Variants in LARGE1 observed in about 807,000 individuals in gnomAD.
The protein encoded by LARGE1 is LARGE xylosyl- and glucuronyltransferase 1.
In LARGE1, 43 loss-of-function variants were observed where a neutral mutation model predicts 87.6. That is an observed-to-expected ratio of 0.49 (90% CI 0.38 to 0.63). The LOEUF (loss-of-function observed/expected upper bound fraction) is 0.63. LARGE1 is among the 30% of genes least tolerant of loss of function. The pLI, the probability that LARGE1 is intolerant of heterozygous loss-of-function variation, is 0.00. For synonymous variants in LARGE1, 434 were observed against 394.6 expected, an observed-to-expected ratio of 1.10 and a Z score of -1.18; for missense variants, 802 against 1,000.2, an observed-to-expected ratio of 0.80 and a Z score of 2.67.
At chr22:33,096,422 A>T in the LARGE1 span, among the ~76,000 whole-genome samples, 1 of 152,038 alleles carries the variant, frequency 6.6e-6, no homozygotes, top group East Asian at 1.9e-4. Flanking sequence ...TCTCAAAAAA[A>T]AAAAAAAAAA....
chr22:33,455,388 T>C (rs2068090879), intron 6 of LARGE1, among the ~76,000 whole-genome samples: 1 of 152,156 alleles, frequency 6.6e-6, no homozygotes, highest in Non-Finnish European at 1.5e-5. Flanking sequence ...ATTATGTACA[T>C]CTATTAATTA....
Position 33,233,997 on chromosome 22 carries a change from G to A in LARGE1, c.1731-67165C>T, listed in dbSNP as rs117875562. Among the ~76,000 whole-genome samples, 377 of 152,284 alleles carry A rather than the reference G, an allele frequency of 2.5e-3. 1 individual carries two copies. Among genetic ancestry groups the A allele is most frequent in the Non-Finnish European group, 2.8e-3 (188 of 68,028 alleles). On this transcript the variant is annotated intron_variant, in intron 11 of 11. Transcript: ENST00000608642. ...TACACTGCCTCCCATGGACCAAAAT[G>A]TCCTACCAAATGCCTTCACCCTAGG...
At chr22:33,241,275 G>A (rs1359332164) in intron 11 of LARGE1, among the ~76,000 whole-genome samples, 1 of 152,100 alleles carries the variant, frequency 6.6e-6, no homozygotes, top group Non-Finnish European at 1.5e-5. Flanking sequence ...TTGAAACAAT[G>A]TGATCCCCAG....
chr22:33,341,296 C>G (rs887771628), intron 9 of LARGE1, among the ~76,000 whole-genome samples: 1 of 151,980 alleles, frequency 6.6e-6, no homozygotes, highest in African/African-American at 2.4e-5. Flanking sequence ...TGCCAGCGCC[C>G]TAACCTTGGA....
intron 2 of LARGE1, among the ~76,000 whole-genome samples, chr22:33,729,296 T>C (rs903951590): frequency 6.6e-6 from 1 of 152,094 alleles, no homozygotes; most frequent in Non-Finnish European, 1.5e-5. Flanking sequence ...CAATCAACCA[T>C]CCAATTTTAA....
At chr22:33,665,616 C>T (rs776445437) in intron 2 of LARGE1, among the ~76,000 whole-genome samples, 4 of 152,126 alleles carry the variant, frequency 2.6e-5, no homozygotes, top group East Asian at 1.9e-4. Flanking sequence ...AACAGGGCTG[C>T]GCGCGGTGGC....
At chr22:33,623,239 G>A (rs764142033) in intron 4 of LARGE1, among the ~76,000 whole-genome samples, 10 of 150,894 alleles carry the variant, frequency 6.6e-5, no homozygotes, top group Admixed American at 1.3e-4. Context: ...TCAATGCTTA[G>A]TGTACAAAAT....
At chr22:33,630,177 C>A (rs2080061653) in intron 3 of LARGE1, among the ~76,000 whole-genome samples, 1 of 151,774 alleles carries the variant, frequency 6.6e-6, no homozygotes, top group African/African-American at 2.4e-5. Context: ...CCAGCCTGGG[C>A]AACAAGAACA....
intron 2 of LARGE1, among the ~76,000 whole-genome samples, chr22:33,667,892 G>A (rs1404278374): frequency 1.3e-5 from 2 of 152,140 alleles, no homozygotes; most frequent in East Asian, 1.9e-4. Flanking sequence ...CACAGACATC[G>A]CCACACACTT....
chr22:33,348,602 T>A (rs558562695), intron 9 of LARGE1, among the ~76,000 whole-genome samples: 8 of 152,126 alleles, frequency 5.3e-5, no homozygotes, highest in African/African-American at 1.9e-4. Flanking sequence ...GAGATTAGCA[T>A]CTGAATCAGT....
chr22:33,157,469 T>C (rs137870712), downstream of LARGE1, among the ~76,000 whole-genome samples: 832 of 152,288 alleles, frequency 5.5e-3, 24 homozygotes, highest in Admixed American at 0.035. Context: ...CACTTCCCAT[T>C]TGCATCTCAG....
chr22:33,827,746 C>T (rs899559747), intron 1 of LARGE1, among the ~76,000 whole-genome samples: 1 of 152,158 alleles, frequency 6.6e-6, no homozygotes, highest in African/African-American at 2.4e-5. Context: ...AAGCTACTTC[C>T]ACTGTCTACT....
chr22:33,626,544 G>T (rs2079928591), intron 3 of LARGE1, among the ~76,000 whole-genome samples: 2 of 152,144 alleles, frequency 1.3e-5, no homozygotes, highest in South Asian at 4.1e-4. Flanking sequence ...AACCATTAAG[G>T]CTCCTTCCAA....
At chr22:33,271,753 C>G (rs193269414), downstream of LARGE1, among the ~76,000 whole-genome samples, 2 of 152,348 alleles carry the variant, frequency 1.3e-5, no homozygotes, top group East Asian at 1.9e-4. Flanking sequence ...GGAATGCAGG[C>G]TGCTGGCTCT....
the LARGE1 span, among the ~76,000 whole-genome samples, chr22:33,085,180 G>C: frequency 5.3e-5 from 8 of 152,312 alleles, no homozygotes; most frequent in African/African-American, 1.9e-4. Flanking sequence ...GGAGGCTGAG[G>C]CAGGAGAATC....
At chr22:33,532,668 T>G (rs767163802) in intron 6 of LARGE1, among the ~76,000 whole-genome samples, 1 of 152,190 alleles carries the variant, frequency 6.6e-6, no homozygotes, top group East Asian at 1.9e-4. Flanking sequence ...TGCTTAAAGT[T>G]TTAGGCTTCT....
chr22:33,768,434 GCT>G (rs1391382056), intron 1 of LARGE1, among the ~76,000 whole-genome samples: 2 of 110,538 alleles, frequency 1.8e-5, no homozygotes, highest in Non-Finnish European at 3.8e-5. Context: ...CAACGCGCGC[GCT>G]CACACACACA....
chr22:33,461,693 A>G (rs1314649351), intron 6 of LARGE1, among the ~76,000 whole-genome samples: 1 of 91,284 alleles, frequency 1.1e-5, no homozygotes. Flanking sequence ...GAGAAATTAC[A>G]AAAAAAAAAA....
intron 1 of LARGE1, among the ~76,000 whole-genome samples, chr22:33,829,006 C>CT (rs776583343): frequency 0.29 from 27,053 of 94,222 alleles, 4,225 homozygotes; most frequent in East Asian, 0.54. Context: ...GTCTCTTTTT[C>CT]TTTTTTTTTT....
Sources: gnomAD v4.1 joint callset for allele counts (sites outside exome capture counted in the v4.1 genomes callset) on GRCh38, gnomAD v4.1.1 for gene constraint, MANE v1.5 for transcripts, NCBI Gene and HGNC (gene_info 2026-07-23, HGNC 2026-07-21) for gene names.